The following METTL25 variants were observed in gnomAD, a reference collection of about 807,000 sequenced individuals.
METTL25 encodes probable methyltransferase-like protein 25.
Under a neutral mutation model 71.6 loss-of-function variants are expected in METTL25, and 64 were observed. The observed-to-expected ratio is 0.89, with a 90% CI of 0.73 to 1.10. METTL25 has a LOEUF of 1.10. Among genes scored for constraint, METTL25 ranks in the 50% least tolerant of loss-of-function variants. The pLI, the probability that METTL25 is intolerant of heterozygous loss-of-function variation, is 0.00. For synonymous variants in METTL25, 287 were observed against 250.3 expected (o/e 1.15, Z -1.38); for missense variants, 807 against 707.0 (o/e 1.14, Z -1.60).
At chr12:82,421,709 G>A (rs1888519749) in intron 5 of METTL25, among the ~76,000 whole-genome samples, 1 of 152,044 alleles carries the variant, frequency 6.6e-6, no homozygotes, top group Non-Finnish European at 1.5e-5. Flanking sequence ...AATGATAAAG[G>A]AGATTATCAC....
At chr12:82,432,117 T>G (rs1889551273) in intron 6 of METTL25, among the ~76,000 whole-genome samples, 1 of 151,708 alleles carries the variant, frequency 6.6e-6, no homozygotes, top group Non-Finnish European at 1.5e-5. Context: ...AAAATACAGT[T>G]GATTAAATAA....
intron 9 of METTL25, among the ~76,000 whole-genome samples, chr12:82,459,003 C>T (rs1455499898): frequency 6.6e-6 from 1 of 152,132 alleles, no homozygotes; most frequent in East Asian, 1.9e-4. Context: ...AAAATCATTT[C>T]CCCTCCCCTC....
intron 9 of METTL25, among the ~76,000 whole-genome samples, chr12:82,460,226 A>G (rs1164452530): frequency 2.6e-5 from 4 of 152,230 alleles, no homozygotes; most frequent in African/African-American, 9.6e-5. Flanking sequence ...GACCCCCCTT[A>G]TATAGATTTA....
At position 82,478,917 on chromosome 12, in the gene METTL25, C is replaced by T. The variant is rs762546067; in HGVS notation, c.1720-15C>T. Reference sequence around the variant, plus strand: ...AACAAATGGTTGTATATCTAAATCACTTATTAATTTACAGGAAGATATTGC... The same window carrying T: ...AACAAATGGTTGTATATCTAAATCATTTATTAATTTACAGGAAGATATTGC... On this transcript the variant is annotated splice_polypyrimidine_tract_variant and intron_variant, in intron 11 of 11. Coordinates refer to ENST00000248306, the MANE Select transcript of METTL25 (RefSeq NM_032230.3). The T allele has an allele frequency of 1.9e-6, 3 of 1,599,780 alleles. No homozygotes were observed. The highest frequency in any genetic ancestry group is 2.6e-6 in the Non-Finnish European group (3 of 1,168,718).
rs1881286994 is a variant in METTL25, at chr12:82,358,623, T to TTGCAGGGACTGC, written c.64_75dup (p.Gly22_Gln25dup). The TTGCAGGGACTGC allele has an allele frequency of 5.0e-6, 8 of 1,613,854 alleles. No homozygotes were observed. The highest frequency in any genetic ancestry group is 1.6e-4 in the Middle Eastern group (1 of 6,084). On this transcript the variant is annotated inframe_insertion, in exon 1 of 12. Coordinates refer to ENST00000248306, the MANE Select transcript of METTL25 (RefSeq NM_032230.3). ...GGACCTGCCCACGCTGCGTGCCAAG[T>TTGCAGGGACTGC]TGCAGGGACTGCTGCAGTTCCTGAG...
chr12:82,385,272 T>C (rs182974067), intron 1 of METTL25, among the ~76,000 whole-genome samples: 1 of 152,274 alleles, frequency 6.6e-6, no homozygotes, highest in East Asian at 1.9e-4. Context: ...TTATCTTACT[T>C]ATCTTGCTTT....
At chr12:82,470,813 G>A (rs1346953345) in intron 9 of METTL25, among the ~76,000 whole-genome samples, 1 of 152,148 alleles carries the variant, frequency 6.6e-6, no homozygotes, top group Non-Finnish European at 1.5e-5. Context: ...TTATTGTAAA[G>A]ATACCTTCAG....
intron 8 of METTL25, among the ~76,000 whole-genome samples, chr12:82,454,246 G>A (rs1245110305): frequency 6.6e-6 from 1 of 152,044 alleles, no homozygotes; most frequent in Admixed American, 6.6e-5. Flanking sequence ...AACTTCTGGA[G>A]GGCCAGAAAA....
At chr12:82,373,134 G>C (rs147543954) in intron 1 of METTL25, among the ~76,000 whole-genome samples, 1 of 152,162 alleles carries the variant, frequency 6.6e-6, no homozygotes, top group Non-Finnish European at 1.5e-5. Flanking sequence ...AGTCCTAAGC[G>C]TTCTCCTGTT....
In METTL25 at chr12:82,386,944, G is replaced by C. The variant is rs149436881; in HGVS notation, c.401G>C (p.Arg134Pro). ...TPFEQLLVAL[R>P]GNQNQRIGEN... ...TTTGAACAGTTGCTTGTAGCCCTTC[G>C]AGGAAATCAAAACCAGAGAATTGGT... The change falls in exon 2 of 12, where the codon CGA becomes CCA. Residue 134 changes from arginine (R) to proline (P), a missense_variant. Coordinates refer to ENST00000248306, the MANE Select transcript of METTL25 (RefSeq NM_032230.3). The C allele has an allele frequency of 3.1e-6, 5 of 1,612,732 alleles. No homozygotes were observed. The highest frequency in any genetic ancestry group is 4.2e-6 in the Non-Finnish European group (5 of 1,179,270).
At chr12:82,438,957 A>G (rs1890131032) in intron 8 of METTL25, 166 bp downstream of exon 8, 1 of 439,764 alleles carries the variant, frequency 2.3e-6, no homozygotes, top group East Asian at 3.8e-5. Context: ...TAGGTTAATT[A>G]TCATTAAAGT....
At chr12:82,465,284 G>A (rs1222875470) in intron 9 of METTL25, among the ~76,000 whole-genome samples, 3 of 151,730 alleles carry the variant, frequency 2.0e-5, no homozygotes, top group Admixed American at 1.3e-4. Flanking sequence ...TTTCTTCCAT[G>A]TCTAGGTTGT....
intron 8 of METTL25, among the ~76,000 whole-genome samples, chr12:82,441,641 A>G (rs930462207): frequency 6.6e-6 from 1 of 151,784 alleles, no homozygotes; most frequent in Non-Finnish European, 1.5e-5. Flanking sequence ...TTTTTGTTTC[A>G]TAGAGCCCAG....
At chr12:82,443,085 A>G (rs1890473885) in intron 8 of METTL25, among the ~76,000 whole-genome samples, 1 of 152,042 alleles carries the variant, frequency 6.6e-6, no homozygotes, top group South Asian at 2.1e-4. Context: ...TCATGTATAT[A>G]TTAACTGCAG....
At chr12:82,474,453 TC>T (rs1341171116) in intron 9 of METTL25, 1 of 152,284 alleles carries the variant, frequency 6.6e-6, no homozygotes, top group African/African-American at 2.4e-5. Context: ...GCATCTGTAG[TC>T]AGTCATCTTG....
rs759343442 is a variant in METTL25, at chr12:82,476,760, A to G, written c.1647+42A>G. On this transcript the variant is annotated intron_variant, in intron 10 of 11. Transcript: ENST00000248306. Reference sequence around the variant, plus strand: ...AGCATATTAAATTGGATATGTTGCTAGACTTGAATAGGGTCCTATTAAATT... The same window carrying G: ...AGCATATTAAATTGGATATGTTGCTGGACTTGAATAGGGTCCTATTAAATT... 18 of 1,252,722 alleles carry G rather than the reference A, an allele frequency of 1.4e-5. 1 individual carries two copies. In the East Asian group the frequency reaches 1.9e-4, roughly 13 times the overall value. The allele number at this position is 1,252,722 out of a possible 1,614,324, so 77.6% of individuals were successfully genotyped here.
rs546725192 is a variant in METTL25 at position 82,416,724 on chromosome 12, C to T, written c.1279+13594C>T. Among the ~76,000 whole-genome samples, 16 of 152,166 alleles carry T rather than the reference C, an allele frequency of 1.1e-4. 1 individual carries two copies. In the South Asian group the frequency reaches 3.3e-3, roughly 32 times the overall value. On this transcript the variant is annotated intron_variant, in intron 5 of 11. Coordinates refer to ENST00000248306, the MANE Select transcript of METTL25 (RefSeq NM_032230.3). ...ATGGGCTGAAGCATTCTGCCCACCT[C>T]GGCCTCCCAAAATGCTGGGATTACA...
chr12:82,390,533 T>G (rs1277473368), intron 3 of METTL25, among the ~76,000 whole-genome samples: 3 of 152,100 alleles, frequency 2.0e-5, no homozygotes, highest in Non-Finnish European at 4.4e-5. Flanking sequence ...ATAGTAAGTT[T>G]TTTCTTATCT....
chr12:82,431,547 G>A (rs994023027), intron 6 of METTL25, among the ~76,000 whole-genome samples: 5 of 151,464 alleles, frequency 3.3e-5, no homozygotes, highest in Non-Finnish European at 5.9e-5. Context: ...TACAACGTAA[G>A]GACTATAGTT....
Sources: gnomAD v4.1 joint callset for allele counts (sites outside exome capture counted in the v4.1 genomes callset) on GRCh38, gnomAD v4.1.1 for gene constraint, MANE v1.5 for transcripts, NCBI Gene and HGNC (gene_info 2026-07-23, HGNC 2026-07-21) for gene names.